Variants in GRM8 observed in about 807,000 individuals in gnomAD.
The protein encoded by GRM8 is glutamate metabotropic receptor 8, also known as metabotropic glutamate receptor 8.
Under a neutral mutation model 87.2 loss-of-function variants are expected in GRM8, and 47 were observed. The ratio of observed to expected loss-of-function variants is 0.54; its 90% CI spans 0.43 to 0.69. The LOEUF (loss-of-function observed/expected upper bound fraction) is 0.69, where lower values mean the gene tolerates loss of function less well. GRM8 is among the 30% of genes least tolerant of loss of function. GRM8 has a pLI of 0.00. For synonymous variants in GRM8, 396 were observed against 404.5 expected (o/e 0.98, Z 0.25); for missense variants, 1,019 against 1,139.2 (o/e 0.89, Z 1.52).
At chr7:126,770,889 G>A (rs1818776053) in intron 6 of GRM8, among the ~76,000 whole-genome samples, 1 of 152,020 alleles carries the variant, frequency 6.6e-6, no homozygotes, top group South Asian at 2.1e-4. Context: ...ACATAGGGCA[G>A]GTGTGGGAAG....
chr7:126,470,670 T>C (rs537210779), intron 9 of GRM8, among the ~76,000 whole-genome samples: 4 of 152,292 alleles, frequency 2.6e-5, no homozygotes, highest in East Asian at 1.9e-4. Flanking sequence ...TGTGTCTTTA[T>C]AGCAACATGA....
chr7:127,057,014 G>A (rs1820063733), intron 3 of GRM8, among the ~76,000 whole-genome samples: 1 of 152,068 alleles, frequency 6.6e-6, no homozygotes, highest in Admixed American at 6.6e-5. Flanking sequence ...TCTCTGGATT[G>A]TGAACTGACA....
At chr7:126,783,523 T>C (rs535453312) in intron 6 of GRM8, among the ~76,000 whole-genome samples, 41 of 152,328 alleles carry the variant, frequency 2.7e-4, no homozygotes, top group African/African-American at 8.2e-4. Context: ...CCCTACCTGC[T>C]TTTTTCTAAG....
intron 7 of GRM8, among the ~76,000 whole-genome samples, chr7:126,654,465 C>T (rs1804278411): frequency 6.6e-6 from 1 of 152,156 alleles, no homozygotes; most frequent in Non-Finnish European, 1.5e-5. Flanking sequence ...AATCAAAGAG[C>T]CTTGCTGAGG....
intron 10 of GRM8, among the ~76,000 whole-genome samples, chr7:126,442,174 C>A (rs550234722): frequency 1.3e-5 from 2 of 152,150 alleles, no homozygotes; most frequent in South Asian, 4.1e-4. Context: ...TCCTCCCTAT[C>A]TCCCTTCCTT....
intron 6 of GRM8, among the ~76,000 whole-genome samples, chr7:126,800,352 T>C (rs1321634865): frequency 6.6e-6 from 1 of 152,144 alleles, no homozygotes; most frequent in Non-Finnish European, 1.5e-5. Context: ...TCAGGCTTCC[T>C]TCTCACTCCT....
At chr7:127,110,853 G>A (rs1358979610) in intron 2 of GRM8, among the ~76,000 whole-genome samples, 1 of 152,060 alleles carries the variant, frequency 6.6e-6, no homozygotes, top group East Asian at 1.9e-4. Context: ...TACGTTTATT[G>A]GGCAAAAGGG....
At chr7:126,471,219 C>G (rs1212305205) in intron 9 of GRM8, among the ~76,000 whole-genome samples, 1 of 152,146 alleles carries the variant, frequency 6.6e-6, no homozygotes, top group Non-Finnish European at 1.5e-5. Context: ...TCAATTTTGG[C>G]TTTGGTTGCC....
chr7:126,687,373 C>T (rs1175632588), intron 7 of GRM8, among the ~76,000 whole-genome samples: 1 of 152,106 alleles, frequency 6.6e-6, no homozygotes, highest in Non-Finnish European at 1.5e-5. Context: ...TCTGCTAGGC[C>T]ACTTTTGAGT....
At chr7:126,854,449 C>T (rs1181477574) in intron 6 of GRM8, among the ~76,000 whole-genome samples, 1 of 152,134 alleles carries the variant, frequency 6.6e-6, no homozygotes, top group African/African-American at 2.4e-5. Flanking sequence ...ACCTGGAAGG[C>T]TTGTTAAAAC....
chr7:127,004,855 A>G (rs986077297), intron 3 of GRM8, among the ~76,000 whole-genome samples: 2 of 151,744 alleles, frequency 1.3e-5, no homozygotes, highest in Non-Finnish European at 3.0e-5. Context: ...TATAAAAGCA[A>G]TACAGTCATT....
intron 9 of GRM8, among the ~76,000 whole-genome samples, chr7:126,464,420 G>T (rs1051642357): frequency 1.9e-4 from 28 of 151,234 alleles, no homozygotes; most frequent in African/African-American, 6.3e-4. Context: ...TTTTTGAATC[G>T]ATTCTGTCAC....
chr7:126,651,957 T>C (rs1477289132), intron 7 of GRM8, among the ~76,000 whole-genome samples: 5 of 152,192 alleles, frequency 3.3e-5, no homozygotes, highest in African/African-American at 1.2e-4. Flanking sequence ...AACCATGACC[T>C]GCTGGGGTGC....
intron 7 of GRM8, among the ~76,000 whole-genome samples, chr7:126,612,366 A>T (rs1457169765): frequency 1.3e-5 from 2 of 152,106 alleles, no homozygotes; most frequent in African/African-American, 4.8e-5. Flanking sequence ...GCTCTGTCTC[A>T]CCATTCTGTC....
chr7:126,753,383 C>T (rs1208644717), intron 7 of GRM8, among the ~76,000 whole-genome samples: 1 of 126,156 alleles, frequency 7.9e-6, no homozygotes, highest in Non-Finnish European at 1.8e-5. Flanking sequence ...CACGCACACA[C>T]AGGCATATAT....
intron 3 of GRM8, among the ~76,000 whole-genome samples, chr7:127,008,764 T>C (rs1359542183): frequency 1.3e-5 from 2 of 152,088 alleles, no homozygotes; most frequent in African/African-American, 4.8e-5. Context: ...GCATCAATCA[T>C]TGGTCATGAC....
chr7:126,692,169 GAC>G (rs1374732666), intron 7 of GRM8, among the ~76,000 whole-genome samples: 1 of 152,206 alleles, frequency 6.6e-6, no homozygotes, highest in Non-Finnish European at 1.5e-5. Flanking sequence ...TAAAGACCTT[GAC>G]ACAGAAGTGA....
chr7:126,837,408 T>G (rs901788700), intron 6 of GRM8, among the ~76,000 whole-genome samples: 11 of 152,240 alleles, frequency 7.2e-5, no homozygotes, highest in Admixed American at 3.3e-4. Flanking sequence ...ACATGCCACT[T>G]TATATGCAAA....
chr7:127,160,867 G>T (rs958686381), intron 2 of GRM8, among the ~76,000 whole-genome samples: 1 of 139,924 alleles, frequency 7.1e-6, no homozygotes, highest in African/African-American at 2.7e-5. Flanking sequence ...CACCCACCTC[G>T]ACTGAGCTCT....
Sources: gnomAD v4.1 joint callset for allele counts (sites outside exome capture counted in the v4.1 genomes callset) on GRCh38, gnomAD v4.1.1 for gene constraint, MANE v1.5 for transcripts, NCBI Gene and HGNC (gene_info 2026-07-23, HGNC 2026-07-21) for gene names.